Variants in SV2C observed in about 807,000 individuals in gnomAD.
SV2C encodes the protein solute carrier family 22 member B3.
SV2C carries 49 observed loss-of-function variants against 79.7 expected under a neutral mutation model. That is an observed-to-expected ratio of 0.61 (90% CI 0.49 to 0.78). SV2C has a LOEUF of 0.78. Ranked by LOEUF, SV2C falls within the 30% of genes least tolerant of loss-of-function variation. The pLI, the probability that SV2C is intolerant of heterozygous loss-of-function variation, is 0.00. For synonymous variants in SV2C, 334 were observed against 333.2 expected (o/e 1.00, Z -0.03); for missense variants, 833 against 912.9 (o/e 0.91, Z 1.13).
the SV2C span, among the ~76,000 whole-genome samples, chr5:75,957,150 A>G: frequency 2.6e-5 from 4 of 151,982 alleles, no homozygotes; most frequent in Non-Finnish European, 5.9e-5. Context: ...AAGAGCAATG[A>G]TGATGGGAAA....
chr5:76,254,412 C>T (rs16873285), intron 4 of SV2C, among the ~76,000 whole-genome samples: 5,645 of 152,122 alleles, frequency 0.037, 206 homozygotes, highest in African/African-American at 0.095. Flanking sequence ...AGAGCCCCAG[C>T]TGGAGTGAGA....
At chr5:76,274,032 G>A (rs894123180) in intron 4 of SV2C, among the ~76,000 whole-genome samples, 1 of 152,154 alleles carries the variant, frequency 6.6e-6, no homozygotes, top group Non-Finnish European at 1.5e-5. Context: ...TGGCACTTTC[G>A]CCTTGGTATC....
chr5:75,935,461 C>G, the SV2C span, among the ~76,000 whole-genome samples: 7 of 151,964 alleles, frequency 4.6e-5, no homozygotes, highest in Non-Finnish European at 8.8e-5. Flanking sequence ...GTCACACGCA[C>G]AGTGATTTTT....
At chr5:76,145,909 C>T (rs1182752984) in intron 2 of SV2C, among the ~76,000 whole-genome samples, 1 of 152,204 alleles carries the variant, frequency 6.6e-6, no homozygotes, top group Non-Finnish European at 1.5e-5. Flanking sequence ...CTCCTTCCAA[C>T]ACTCATATAA....
At chr5:76,342,834 G>GTA (rs1749468127) in intron 12 of SV2C, among the ~76,000 whole-genome samples, 1 of 151,616 alleles carries the variant, frequency 6.6e-6, no homozygotes, top group Non-Finnish European at 1.5e-5. Flanking sequence ...TACATTTAAT[G>GTA]TGTACAACAT....
At chr5:76,084,648 CCTT>C (rs1261161302) in intron 1 of SV2C, among the ~76,000 whole-genome samples, 2 of 148,692 alleles carry the variant, frequency 1.3e-5, no homozygotes, top group Non-Finnish European at 3.0e-5. Context: ...GCTCGCGTCA[CCTT>C]CTACGTGTGC....
chr5:75,921,348 T>C, the SV2C span: 1 of 1,039,386 alleles, frequency 9.6e-7, no homozygotes, highest in Non-Finnish European at 1.5e-6. Flanking sequence ...ACATGCTGCC[T>C]GCTGCTGTCC....
the SV2C span, among the ~76,000 whole-genome samples, chr5:76,064,021 T>C: frequency 2.0e-5 from 3 of 152,142 alleles, no homozygotes; most frequent in Non-Finnish European, 2.9e-5. Flanking sequence ...TACATAATGA[T>C]AACAATGTGG....
chr5:75,851,743 C>A, the SV2C span, among the ~76,000 whole-genome samples: 11 of 152,138 alleles, frequency 7.2e-5, no homozygotes, highest in African/African-American at 2.7e-4. Flanking sequence ...CGGGTTCACG[C>A]CATTCTGCTG....
At chr5:75,918,384 C>T in the SV2C span, among the ~76,000 whole-genome samples, 1 of 152,166 alleles carries the variant, frequency 6.6e-6, no homozygotes, top group Non-Finnish European at 1.5e-5. Context: ...GGCTATTGAA[C>T]AGAATGATAG....
intron 1 of SV2C, among the ~76,000 whole-genome samples, chr5:76,128,750 A>G (rs1748788398): frequency 6.6e-6 from 1 of 152,232 alleles, no homozygotes; most frequent in South Asian, 2.1e-4. Flanking sequence ...TTTGTTTTTC[A>G]TTGAAACAAA....
intron 2 of SV2C, among the ~76,000 whole-genome samples, chr5:76,139,322 G>T (rs995427324): frequency 2.6e-5 from 4 of 151,860 alleles, no homozygotes; most frequent in African/African-American, 9.7e-5. Flanking sequence ...TCCTTGGCCT[G>T]GGATTTGTGA....
At chr5:76,316,315 G>T (rs1255399401) in intron 12 of SV2C, among the ~76,000 whole-genome samples, 5 of 152,184 alleles carry the variant, frequency 3.3e-5, no homozygotes, top group African/African-American at 1.2e-4. Flanking sequence ...TGGGAAGACA[G>T]CAGGATTCTC....
intron 12 of SV2C, 70 bp downstream of exon 12, chr5:76,301,615 A>G: frequency 6.5e-7 from 1 of 1,540,082 alleles, no homozygotes; most frequent in Non-Finnish European, 8.8e-7. Flanking sequence ...TTATTTTAAA[A>G]CAACCCAAAC....
chr5:75,882,030 G>A, the SV2C span, among the ~76,000 whole-genome samples: 1 of 149,870 alleles, frequency 6.7e-6, no homozygotes, highest in South Asian at 2.1e-4. Flanking sequence ...TTTGTCAAAG[G>A]CCTTTTCTGC....
chr5:75,951,356 T>C, the SV2C span, among the ~76,000 whole-genome samples: 1 of 152,030 alleles, frequency 6.6e-6, no homozygotes, highest in South Asian at 2.1e-4. Flanking sequence ...ATTAAAATGC[T>C]CTCAGTAGAG....
At chr5:75,934,302 C>CT in the SV2C span, among the ~76,000 whole-genome samples, 387 of 107,824 alleles carry the variant, frequency 3.6e-3, 5 homozygotes, top group South Asian at 5.5e-3. Flanking sequence ...TTCTTTCTTT[C>CT]TTTTTTTTTT....
chr5:75,877,953 A>C, the SV2C span, among the ~76,000 whole-genome samples: 1 of 117,014 alleles, frequency 8.5e-6, no homozygotes, highest in East Asian at 2.2e-4. Context: ...AAAAAAAAAA[A>C]ACAAGTTTCT....
intron 1 of SV2C, among the ~76,000 whole-genome samples, chr5:76,130,721 A>G (rs932582865): frequency 2.0e-5 from 3 of 152,168 alleles, no homozygotes; most frequent in South Asian, 2.1e-4. Context: ...TCAGTGAAAA[A>G]GAAAACCAAA....
Sources: gnomAD v4.1 joint callset for allele counts (sites outside exome capture counted in the v4.1 genomes callset) on GRCh38, gnomAD v4.1.1 for gene constraint, MANE v1.5 for transcripts, NCBI Gene and HGNC (gene_info 2026-07-23, HGNC 2026-07-21) for gene names.